WASF1: variants seen among roughly 807,000 people sequenced by gnomAD.
WASF1 encodes WASP family member 1.
Under a neutral mutation model 50.5 loss-of-function variants are expected in WASF1, and 7 were observed. The observed-to-expected ratio is 0.14, with a 90% CI of 0.08 to 0.26. The LOEUF is 0.26. WASF1 is among the 10% of genes least tolerant of loss of function. WASF1 has a pLI of 1.00. For synonymous variants in WASF1, 205 were observed against 244.0 expected (o/e 0.84, Z 1.49); for missense variants, 470 against 694.7 (o/e 0.68, Z 3.64).
chr6:110,152,138 T>C (rs1775852909), intron 3 of WASF1, among the ~76,000 whole-genome samples: 2 of 152,132 alleles, frequency 1.3e-5, no homozygotes, highest in African/African-American at 2.4e-5. Flanking sequence ...GGAGATTATA[T>C]GGGTGGGCTT....
intron 3 of WASF1, among the ~76,000 whole-genome samples, chr6:110,149,484 TA>T (rs71729607): frequency 0.073 from 7,483 of 103,196 alleles, 408 homozygotes; most frequent in African/African-American, 0.19. Flanking sequence ...GACTCTGTCT[TA>T]AAAAAAAAAA....
intron 3 of WASF1, among the ~76,000 whole-genome samples, chr6:110,158,549 C>A (rs1319657382): frequency 7.6e-6 from 1 of 130,834 alleles, no homozygotes; most frequent in Non-Finnish European, 1.6e-5. Context: ...CCTATTCGGC[C>A]ATCTTGGCTC....
chr6:110,148,448 A>G (rs1775677778), intron 3 of WASF1, among the ~76,000 whole-genome samples: 1 of 152,184 alleles, frequency 6.6e-6, no homozygotes, highest in Non-Finnish European at 1.5e-5. Context: ...TATTTAAATT[A>G]AGAACAAAAG....
chr6:110,106,680 C>T (rs772053424), intron 7 of WASF1, among the ~76,000 whole-genome samples: 1 of 152,318 alleles, frequency 6.6e-6, no homozygotes, highest in East Asian at 1.9e-4. Context: ...GCTTAATCTA[C>T]GTTACCAATA....
intron 4 of WASF1, among the ~76,000 whole-genome samples, chr6:110,122,998 G>T (rs950957465): frequency 1.3e-5 from 2 of 151,918 alleles, no homozygotes; most frequent in Non-Finnish European, 2.9e-5. Context: ...TTTAAACCTT[G>T]TTCTACTACT....
At chr6:110,168,512 A>G (rs911338956) in intron 2 of WASF1, among the ~76,000 whole-genome samples, 1 of 152,088 alleles carries the variant, frequency 6.6e-6, no homozygotes, top group Non-Finnish European at 1.5e-5. Context: ...AGAAGAATAC[A>G]TTTTAAAATA....
At chr6:110,121,858 A>G (rs1388062860) in intron 4 of WASF1, among the ~76,000 whole-genome samples, 1 of 152,230 alleles carries the variant, frequency 6.6e-6, no homozygotes, top group East Asian at 1.9e-4. Context: ...GTAGCCATAA[A>G]AAAGGATGAG....
intron 2 of WASF1, among the ~76,000 whole-genome samples, chr6:110,174,787 T>C (rs1431327245): frequency 6.6e-6 from 1 of 152,162 alleles, no homozygotes; most frequent in East Asian, 1.9e-4. Flanking sequence ...TCCAAATAAT[T>C]ATTAAATACT....
At chr6:110,146,834 T>C (rs1419048759) in intron 3 of WASF1, among the ~76,000 whole-genome samples, 1 of 152,128 alleles carries the variant, frequency 6.6e-6, no homozygotes, top group Non-Finnish European at 1.5e-5. Context: ...ATTTCCTCTT[T>C]GTTGTGAGAA....
intron 3 of WASF1, among the ~76,000 whole-genome samples, chr6:110,159,371 A>C (rs1411755085): frequency 6.6e-6 from 1 of 151,968 alleles, no homozygotes; most frequent in African/African-American, 2.4e-5. Context: ...TGCATACTTA[A>C]GGTGAGAACC....
chr6:110,112,901 A>AAC (rs1488774777), intron 5 of WASF1, among the ~76,000 whole-genome samples: 7 of 128,876 alleles, frequency 5.4e-5, no homozygotes, highest in South Asian at 5.0e-4. Context: ...TCTCAAAAAA[A>AAC]AAAAAAAACA....
At chr6:110,173,447 G>GA (rs953894194) in intron 2 of WASF1, among the ~76,000 whole-genome samples, 1 of 152,026 alleles carries the variant, frequency 6.6e-6, no homozygotes, top group East Asian at 1.9e-4. Context: ...AAGGGAGTAG[G>GA]AAAAAAATGG....
At position 110,100,710 on chromosome 6, in the gene WASF1, A is replaced by C. The variant is rs768537320; in HGVS notation, c.1523-31T>G. 5.7e-6 allele frequency: 9 copies of C among 1,570,980 alleles called. No individual in the cohort carries two copies. In the Admixed American group the frequency reaches 1.7e-4, roughly 29 times the overall value. On this transcript the variant is annotated intron_variant, in intron 10 of 10. Transcript: ENST00000392589. ...ACAGTGAATCCAAACCATTCATTTA[A>C]ATCAAAATACTAGATACTAGATATT...
At position 110,102,101 on chromosome 6, in the gene WASF1, T is replaced by C. The variant is rs746382726; in HGVS notation, c.1009A>G (p.Thr337Ala). 2.0e-6 allele frequency: 3 copies of C among 1,494,944 alleles called. No individual in the cohort carries two copies. The highest frequency in any genetic ancestry group is 1.8e-6 in the Non-Finnish European group (2 of 1,122,660). The allele number at this position is 1,494,944 out of a possible 1,614,324, so 92.6% of individuals were successfully genotyped here. The change falls in exon 10 of 11, where the codon ACT (threonine) becomes GCT (alanine). Residue 337 changes from threonine to alanine, a missense_variant. Thr to Ala is a moderately conservative substitution (Grantham distance 58). Coordinates refer to ENST00000392589, the MANE Select transcript of WASF1 (RefSeq NM_003931.3). ...GTCATTGAAGCTCTTAATGAGGAAG[T>C]TGACAAGGCAGATGGAAGAGGTGGT... ...PPPPLPSALSTSSLRASMTST... is the reference protein window; with the variant it reads ...PPPPLPSALSASSLRASMTST...
At chr6:110,128,100 C>T (rs1436935905) in intron 3 of WASF1, among the ~76,000 whole-genome samples, 1 of 151,634 alleles carries the variant, frequency 6.6e-6, no homozygotes, top group Non-Finnish European at 1.5e-5. Flanking sequence ...GGGTTGGTGC[C>T]CCTAATCTCT....
At chr6:110,110,821 T>TG (rs1174711905) in intron 5 of WASF1, among the ~76,000 whole-genome samples, 2 of 141,300 alleles carry the variant, frequency 1.4e-5, no homozygotes, top group Non-Finnish European at 3.0e-5. Flanking sequence ...ACACATGATG[T>TG]TTTTTTTTTA....
chr6:110,126,518 G>A (rs1432886025), intron 4 of WASF1, among the ~76,000 whole-genome samples: 1 of 152,026 alleles, frequency 6.6e-6, no homozygotes, highest in Non-Finnish European at 1.5e-5. Flanking sequence ...AACCTCTTGT[G>A]CTAAGTACTC....
chr6:110,150,531 A>G (rs1360203254), intron 3 of WASF1, among the ~76,000 whole-genome samples: 1 of 152,244 alleles, frequency 6.6e-6, no homozygotes, highest in Admixed American at 6.5e-5. Context: ...TGGACAGGGT[A>G]GTTACAGAAC....
chr6:110,117,658 G>A (rs1773873737), intron 4 of WASF1, among the ~76,000 whole-genome samples: 1 of 152,080 alleles, frequency 6.6e-6, no homozygotes, highest in South Asian at 2.1e-4. Flanking sequence ...AGGAAATACA[G>A]ATAACACCAC....
Sources: allele counts gnomAD v4.1 joint callset (sites outside exome capture counted in the v4.1 genomes callset), GRCh38; gene constraint gnomAD v4.1.1; transcripts MANE v1.5; gene names NCBI Gene and HGNC (gene_info 2026-07-23, HGNC 2026-07-21).